Variants in AQP4 observed in about 807,000 individuals in gnomAD.
The protein encoded by AQP4 is aquaporin-4.
In AQP4, 18 loss-of-function variants were observed where a neutral mutation model predicts 27.8. The ratio of observed to expected loss-of-function variants is 0.65; its 90% CI spans 0.45 to 0.96. The LOEUF (loss-of-function observed/expected upper bound fraction) is 0.96. AQP4 is among the 40% of genes least tolerant of loss of function. AQP4 has a pLI of 0.00. For missense variants in AQP4, 412 were observed against 408.2 expected, an observed-to-expected ratio of 1.01 and a Z score of -0.08; for synonymous variants, 141 against 142.9, an observed-to-expected ratio of 0.99 and a Z score of 0.10.
chr18:26,857,312 A>AATT (rs56990684), intron 4 of AQP4, among the ~76,000 whole-genome samples: 4,754 of 148,664 alleles, frequency 0.032, 162 homozygotes, highest in African/African-American at 0.082. Flanking sequence ...AATAAATGGA[A>AATT]ATTATTATTA....
In AQP4 at chr18:26,855,941, T is replaced by G; in HGVS notation, c.*270A>C. On this transcript the variant is annotated 3_prime_UTR_variant, in exon 5 of 5. Coordinates refer to ENST00000383168, the MANE Select transcript of AQP4 (RefSeq NM_001650.7). Reference sequence around the variant, plus strand: ...ATCTTGACACACGGTTAAAATTGGTTGTTAATGAAAGGTAACTAGATAAAA... The same window carrying G: ...ATCTTGACACACGGTTAAAATTGGTGGTTAATGAAAGGTAACTAGATAAAA... The G allele has an allele frequency of 2.3e-6, 1 of 427,622 alleles. No individual in the cohort carries two copies. Among genetic ancestry groups the G allele is most frequent in the Admixed American group, 3.7e-5 (1 of 26,954 alleles). The allele number at this position is 427,622 out of a possible 1,614,324, so 26.5% of individuals were successfully genotyped here.
intron 1 of AQP4, among the ~76,000 whole-genome samples, chr18:26,864,375 G>C (rs1406918678): frequency 3.9e-5 from 6 of 152,102 alleles, no homozygotes; most frequent in African/African-American, 9.7e-5. Context: ...GCCCAGGCCC[G>C]GGTGGCAGGA....
chr18:26,864,248 G>C (rs1433489754), intron 1 of AQP4, among the ~76,000 whole-genome samples: 1 of 152,164 alleles, frequency 6.6e-6, no homozygotes, highest in Non-Finnish European at 1.5e-5. Context: ...CCTGCTTTCT[G>C]CGTGGGTAGT....
At position 26,861,241 on chromosome 18, in the gene AQP4, A is replaced by G. The variant is rs2054937088; in HGVS notation, c.502T>C (p.Phe168Leu). The change falls in exon 3 of 5, where the codon TTT (phenylalanine) becomes CTT (leucine). Residue 168 changes from phenylalanine (F) to leucine (L), a missense_variant. Transcript: ENST00000383168. ...HGLLVELIIT[F>L]QLVFTIFASC... ...GCAAAGATAGTAAACACCAATTGAA[A>G]TGTGATTATCAACTCAACCAGGAGA... is the stretch of plus-strand genomic sequence containing the variant. The G allele has an allele frequency of 8.7e-6, 14 of 1,614,112 alleles. No homozygotes were observed. Among genetic ancestry groups the G allele is most frequent in the Non-Finnish European group, 1.2e-5 (14 of 1,179,948 alleles).
chr18:26,856,153 G>T lies in AQP4; in HGVS notation c.*58C>A. On this transcript the variant is annotated 3_prime_UTR_variant, in exon 5 of 5. Coordinates refer to ENST00000383168, the MANE Select transcript of AQP4 (RefSeq NM_001650.7). The stretch of plus-strand genomic sequence containing the variant: ...AACAAATCTGTTTCCTTAATGGGTG[G>T]AAGGAAATCTGAGGACAGTTCTAAG... The T allele has an allele frequency of 1.3e-6, 2 of 1,592,310 alleles. No homozygotes were observed. Among genetic ancestry groups the T allele is most frequent in the Non-Finnish European group, 8.6e-7 (1 of 1,160,728 alleles).
intron 3 of AQP4, 37 bp from the exon 4 acceptor site, chr18:26,860,889 A>G: frequency 6.3e-7 from 1 of 1,584,848 alleles, no homozygotes; most frequent in Non-Finnish European, 8.7e-7. Context: ...GACATTGCTG[A>G]AACAGGGCTA....
chr18:26,861,871 A>C, intron 2 of AQP4: 1 of 419,728 alleles, frequency 2.4e-6, no homozygotes. Flanking sequence ...AAATAACTGT[A>C]AGGAAAATGC....
At chr18:26,859,064 A>G (rs1389758014) in intron 4 of AQP4, among the ~76,000 whole-genome samples, 1 of 152,242 alleles carries the variant, frequency 6.6e-6, no homozygotes, top group Non-Finnish European at 1.5e-5. Context: ...CAAGCTAAGA[A>G]TGTTCCTACT....
At position 26,861,115 on chromosome 18, in the gene AQP4, G is replaced by T; in HGVS notation, c.612+16C>A. The T allele has an allele frequency of 6.2e-7, 1 of 1,613,560 alleles. No homozygotes were observed. On this transcript the variant is annotated intron_variant, in intron 3 of 4. Transcript: ENST00000383168. ...ATGAGGTGGGATTGATTATTTAAAT[G>T]GACTTGGAAACTTACTGCAAATAAA...
At chr18:26,860,463 G>A (rs2054920868) in intron 4 of AQP4, among the ~76,000 whole-genome samples, 1 of 151,972 alleles carries the variant, frequency 6.6e-6, no homozygotes, top group Non-Finnish European at 1.5e-5. Flanking sequence ...GTTCCACATA[G>A]GCAACCTCTA....
At chr18:26,865,544 G>A in intron 1 of AQP4, 114 bp downstream of exon 1, 1 of 1,325,762 alleles carries the variant, frequency 7.5e-7, no homozygotes, top group Non-Finnish European at 1.1e-6. Flanking sequence ...CCACCCACCT[G>A]CCCTATAGCT....
chr18:26,863,885 C>T (rs2055006591), intron 1 of AQP4, among the ~76,000 whole-genome samples: 1 of 152,064 alleles, frequency 6.6e-6, no homozygotes, highest in Non-Finnish European at 1.5e-5. Context: ...CTTCTCCTCC[C>T]GTCTATATCC....
intron 1 of AQP4, among the ~76,000 whole-genome samples, chr18:26,863,445 C>A (rs989517996): frequency 6.6e-6 from 1 of 152,088 alleles, no homozygotes; most frequent in Non-Finnish European, 1.5e-5. Context: ...CACGCAGAAG[C>A]GGCCCCGCGA....
At chr18:26,860,462 A>G (rs549643053) in intron 4 of AQP4, among the ~76,000 whole-genome samples, 1 of 152,332 alleles carries the variant, frequency 6.6e-6, no homozygotes, top group East Asian at 1.9e-4. Flanking sequence ...TGTTCCACAT[A>G]GGCAACCTCT....
intron 4 of AQP4, among the ~76,000 whole-genome samples, chr18:26,859,028 C>T (rs927441498): frequency 2.6e-5 from 4 of 152,150 alleles, no homozygotes; most frequent in South Asian, 2.1e-4. Context: ...TATAATATAA[C>T]ATGGGGCAAC....
upstream of AQP4, chr18:26,865,774 T>C (rs1249255632): frequency 5.2e-6 from 8 of 1,543,300 alleles, no homozygotes; most frequent in South Asian, 1.1e-5. Flanking sequence ...ACTTGTCTGA[T>C]TGGGTTTTTG....
intron 4 of AQP4, 27 bp from the exon 5 acceptor site, chr18:26,856,516 G>C: frequency 6.2e-7 from 1 of 1,611,998 alleles, no homozygotes; most frequent in Non-Finnish European, 8.5e-7. Flanking sequence ...AGAGGATAGA[G>C]TGTAAGTAGA....
Position 26,852,367 on chromosome 18 carries a change from G to A in AQP4, c.*3844C>T, listed in dbSNP as rs2054765407. ...ATGTTTATTTAATTAATCCTGAAGA[G>A]AACCTAGAAATACATTCCAATGGGT... On this transcript the variant is annotated 3_prime_UTR_variant, in exon 5 of 5. Transcript: ENST00000383168. 6.5e-6 allele frequency: 1 copy of A among 152,730 alleles called. No individual in the cohort carries two copies. The highest frequency in any genetic ancestry group is 1.5e-5 in the Non-Finnish European group (1 of 68,634). The allele number at this position is 152,730 out of a possible 1,614,324, so 9.5% of individuals were successfully genotyped here. A position where few individuals can be genotyped will look rare whatever the true frequency, so the allele number is the denominator to read the frequency against.
Position 26,852,565 on chromosome 18 carries a change from A to C in AQP4, c.*3646T>G, listed in dbSNP as rs909594226. The C allele has an allele frequency of 4.6e-5, 16 of 350,840 alleles. No homozygotes were observed. In the South Asian group the frequency reaches 6.0e-4, roughly 13 times the overall value. 21.7% of individuals were successfully genotyped at this position (350,840 alleles called of 1,614,324 possible). ...GGCCACAATTTTTGATCCTTGAATTAAATGTCTTTCATTTATTTCAGAGAA... is the reference window on the plus strand; with the variant it reads ...GGCCACAATTTTTGATCCTTGAATTCAATGTCTTTCATTTATTTCAGAGAA... On this transcript the variant is annotated 3_prime_UTR_variant, in exon 5 of 5. Transcript: ENST00000383168.
Sources: gnomAD v4.1 joint callset for allele counts (sites outside exome capture counted in the v4.1 genomes callset) on GRCh38, gnomAD v4.1.1 for gene constraint, MANE v1.5 for transcripts, NCBI Gene and HGNC (gene_info 2026-07-23, HGNC 2026-07-21) for gene names.